FUT9: variants seen among roughly 807,000 people sequenced by gnomAD.
The protein encoded by FUT9 is 4-galactosyl-N-acetylglucosaminide 3-alpha-L-fucosyltransferase 9.
A neutral mutation model predicts 29.7 loss-of-function variants in FUT9; 15 were observed. That is an observed-to-expected ratio of 0.51 (90% confidence interval 0.34 to 0.78). The LOEUF (loss-of-function observed/expected upper bound fraction) is 0.78, where lower values mean the gene tolerates loss of function less well. Ranked by LOEUF, FUT9 falls within the 30% of genes least tolerant of loss-of-function variation. The pLI is 0.01. For missense variants in FUT9, 319 were observed against 425.4 expected, an observed-to-expected ratio of 0.75 and a Z score of 2.20; for synonymous variants, 169 against 153.7, an observed-to-expected ratio of 1.10 and a Z score of -0.74.
chr6:96,125,144 A>C (rs188845885), intron 2 of FUT9, among the ~76,000 whole-genome samples: 1 of 152,358 alleles, frequency 6.6e-6, no homozygotes, highest in Non-Finnish European at 1.5e-5. Flanking sequence ...ATGATGATGT[A>C]AAGAAATCAT....
intron 1 of FUT9, among the ~76,000 whole-genome samples, chr6:96,079,428 G>A (rs934326049): frequency 6.6e-6 from 1 of 152,090 alleles, no homozygotes; most frequent in Admixed American, 6.5e-5. Flanking sequence ...TCCTGAAATT[G>A]TTGAAATCTT....
chr6:96,141,547 G>A (rs919765894), intron 2 of FUT9, among the ~76,000 whole-genome samples: 13 of 152,134 alleles, frequency 8.5e-5, no homozygotes, highest in Admixed American at 7.2e-4. Context: ...CTGGGGTTTA[G>A]GTCAAAAGAG....
chr6:96,070,684 C>A (rs957311322), intron 1 of FUT9, among the ~76,000 whole-genome samples: 3 of 151,392 alleles, frequency 2.0e-5, no homozygotes, highest in Non-Finnish European at 4.4e-5. Context: ...AAAACCCCAT[C>A]TCAAAAAAAA....
intron 1 of FUT9, among the ~76,000 whole-genome samples, chr6:96,088,559 TGTGTGTGTGC>T (rs1295234210): frequency 7.4e-5 from 8 of 108,338 alleles, no homozygotes; most frequent in East Asian, 5.7e-4. Context: ...TGTGTGTGTG[TGTGTGTGTGC>T]GTGCGCGCGC....
intron 2 of FUT9, among the ~76,000 whole-genome samples, chr6:96,183,629 T>A (rs896248541): frequency 1.3e-5 from 2 of 152,052 alleles, no homozygotes; most frequent in African/African-American, 4.8e-5. Flanking sequence ...CTATGTTGAT[T>A]TTGTTGAGAG....
chr6:96,050,607 C>T (rs1055356865), intron 1 of FUT9, among the ~76,000 whole-genome samples: 15 of 152,222 alleles, frequency 9.9e-5, no homozygotes, highest in African/African-American at 3.4e-4. Context: ...TCCTCTCTTT[C>T]TGAACTAATC....
intron 2 of FUT9, among the ~76,000 whole-genome samples, chr6:96,127,149 G>A (rs1582251888): frequency 1.3e-5 from 2 of 152,108 alleles, no homozygotes. Context: ...AATAAGCAGA[G>A]TATCCAATAG....
At chr6:96,178,076 A>C (rs954234849) in intron 2 of FUT9, among the ~76,000 whole-genome samples, 2 of 152,156 alleles carry the variant, frequency 1.3e-5, no homozygotes, top group African/African-American at 4.8e-5. Context: ...CATTCTCCTC[A>C]GCTCCCATGA....
chr6:96,102,336 T>TA lies in FUT9; in HGVS notation c.-97-11693dup, dbSNP rs908946330. ...ATACAGCACTAAATTTACCTGAGTT[T>TA]AAAAAAAAAAGATTATTAGGTCATT... On this transcript the variant is annotated intron_variant, in intron 1 of 2. Transcript: ENST00000302103. 1.2e-3 allele frequency among the ~76,000 whole-genome samples: 183 copies of TA among 149,504 alleles called. 1 individual carries two copies. Among genetic ancestry groups the TA allele is most frequent in the African/African-American group, 3.9e-3 (161 of 40,926 alleles).
chr6:96,106,442 T>G (rs1426123933), intron 1 of FUT9, among the ~76,000 whole-genome samples: 1 of 152,114 alleles, frequency 6.6e-6, no homozygotes, highest in Non-Finnish European at 1.5e-5. Flanking sequence ...TAAAGGGGTA[T>G]GAAGTGTCAC....
chr6:96,090,935 G>A (rs1185536419), intron 1 of FUT9, among the ~76,000 whole-genome samples: 5 of 152,096 alleles, frequency 3.3e-5, no homozygotes, highest in East Asian at 3.9e-4. Context: ...TTTGAATGCC[G>A]CTAACAAAAG....
Position 96,182,526 on chromosome 6 carries a change from T to C in FUT9, c.-8-20622T>C, listed in dbSNP as rs951169498. Among the ~76,000 whole-genome samples, 7 of 152,104 alleles carry C rather than the reference T, an allele frequency of 4.6e-5. No homozygotes were observed. In the East Asian group the frequency reaches 1.3e-3, roughly 29 times the overall value. ...CAATGTCTAGAGGTCTTTTCCAATGTTATCTTCTTGAATTTTTATAGTTTC... is the reference window on the plus strand; with the variant it reads ...CAATGTCTAGAGGTCTTTTCCAATGCTATCTTCTTGAATTTTTATAGTTTC... On this transcript the variant is annotated intron_variant, in intron 2 of 2. Transcript: ENST00000302103.
rs375058208 is a variant in FUT9 at position 96,203,461 on chromosome 6, A to G, written c.306A>G (p.Lys102=). 53 of 1,608,696 alleles carry G rather than the reference A, an allele frequency of 3.3e-5. No homozygotes were observed. Among genetic ancestry groups the G allele is most frequent in the Non-Finnish European group, 4.0e-5 (47 of 1,177,094 alleles). The change falls in exon 3 of 3, where the codon AAA becomes AAG. Residue 102 remains lysine, a synonymous_variant. Coordinates refer to ENST00000302103, the MANE Select transcript of FUT9 (RefSeq NM_006581.4). ...HLTTDRSLYN[K]SHAVLIHHRD... ...CAACGGACCGTTCACTGTACAACAA[A>G]TCCCATGCAGTTCTGATCCATCACC...
chr6:96,152,281 A>G (rs4348327), intron 2 of FUT9, among the ~76,000 whole-genome samples: 24,092 of 152,168 alleles, frequency 0.16, 2,116 homozygotes, highest in African/African-American at 0.19. Flanking sequence ...ATAATCCCTG[A>G]GGTTCAGATT....
At chr6:96,140,043 C>T (rs13215767) in intron 2 of FUT9, among the ~76,000 whole-genome samples, 2 of 152,072 alleles carry the variant, frequency 1.3e-5, no homozygotes, top group African/African-American at 4.8e-5. Context: ...CTTTTATACT[C>T]TACTTCCTCT....
At chr6:96,110,913 T>G (rs1226945941) in intron 1 of FUT9, among the ~76,000 whole-genome samples, 1 of 152,042 alleles carries the variant, frequency 6.6e-6, no homozygotes, top group Non-Finnish European at 1.5e-5. Context: ...TCCTCCTGCC[T>G]GGGCCTCCCA....
At chr6:96,139,406 A>G (rs1772418978) in intron 2 of FUT9, among the ~76,000 whole-genome samples, 1 of 152,164 alleles carries the variant, frequency 6.6e-6, no homozygotes, top group South Asian at 2.1e-4. Flanking sequence ...GAGTGCCTGC[A>G]GCTTTTCCAG....
chr6:96,097,910 C>CA (rs986981708), intron 1 of FUT9, among the ~76,000 whole-genome samples: 4 of 151,776 alleles, frequency 2.6e-5, no homozygotes, highest in Admixed American at 6.6e-5. Context: ...GGCAAAGATA[C>CA]AAAAAAATAT....
chr6:96,160,266 GA>G (rs1193958096), intron 2 of FUT9, among the ~76,000 whole-genome samples: 2 of 152,144 alleles, frequency 1.3e-5, no homozygotes, highest in Non-Finnish European at 2.9e-5. Flanking sequence ...AGAGTCAGGG[GA>G]AAGAGTGGGG....
Sources: gnomAD v4.1 joint callset for allele counts (sites outside exome capture counted in the v4.1 genomes callset) on GRCh38, gnomAD v4.1.1 for gene constraint, MANE v1.5 for transcripts, NCBI Gene and HGNC (gene_info 2026-07-23, HGNC 2026-07-21) for gene names.